FOXK2: variants seen among roughly 807,000 people sequenced by gnomAD.
The protein encoded by FOXK2 is forkhead box K2, also known as forkhead box protein K2.
FOXK2 carries 24 observed loss-of-function variants against 53.3 expected under a neutral mutation model. The observed-to-expected ratio is 0.45, with a 90% CI of 0.33 to 0.63. The LOEUF is 0.63. FOXK2 is among the 30% of genes least tolerant of loss of function. The pLI is 0.03. For synonymous variants in FOXK2, 505 were observed against 407.1 expected (o/e 1.24, Z -2.89); for missense variants, 952 against 910.5 (o/e 1.05, Z -0.59).
intron 1 of FOXK2, among the ~76,000 whole-genome samples, chr17:82,556,583 G>C (rs2044727560): frequency 6.6e-6 from 1 of 151,826 alleles, no homozygotes; most frequent in Admixed American, 6.6e-5. Flanking sequence ...TGGGGCTGGG[G>C]CTGGGGCTGG....
At chr17:82,584,266 C>T (rs2045104824) in intron 6 of FOXK2, 78 bp downstream of exon 6, 2 of 1,421,466 alleles carry the variant, frequency 1.4e-6, no homozygotes, top group Non-Finnish European at 1.9e-6. Flanking sequence ...AGAGAAGAAA[C>T]AGCCGGACTG....
chr17:82,536,784 T>A (rs766312666), intron 1 of FOXK2, among the ~76,000 whole-genome samples: 47 of 152,240 alleles, frequency 3.1e-4, no homozygotes, highest in Non-Finnish European at 5.0e-4. Flanking sequence ...ATGTCCTGAT[T>A]TCCCAGAAAC....
At chr17:82,568,335 G>C (rs1439772358) in intron 3 of FOXK2, 134 bp downstream of exon 3, 11 of 1,064,062 alleles carry the variant, frequency 1.0e-5, no homozygotes, top group African/African-American at 1.6e-5. Context: ...ATGTGGGCTT[G>C]ATTCTGGTGT....
At chr17:82,542,074 T>G (rs573924373) in intron 1 of FOXK2, among the ~76,000 whole-genome samples, 1 of 151,784 alleles carries the variant, frequency 6.6e-6, no homozygotes, top group East Asian at 1.9e-4. Context: ...AGAGACAGGG[T>G]TTCGCCACGT....
At chr17:82,532,147 C>G (rs1454408053) in intron 1 of FOXK2, among the ~76,000 whole-genome samples, 2 of 148,718 alleles carry the variant, frequency 1.3e-5, no homozygotes, top group Non-Finnish European at 3.0e-5. Context: ...CTGTGCCCAT[C>G]TTATTTATTT....
intron 1 of FOXK2, among the ~76,000 whole-genome samples, chr17:82,524,323 C>T (rs1024481142): frequency 1.3e-5 from 2 of 152,176 alleles, no homozygotes; most frequent in African/African-American, 4.8e-5. Flanking sequence ...CAAATTCCAA[C>T]TTCAAAATGA....
chr17:82,519,792 G>C lies in FOXK2; in HGVS notation c.-97G>C, dbSNP rs1184249370. On this transcript the variant is annotated 5_prime_UTR_variant, in exon 1 of 9. Transcript: ENST00000335255. ...GGCCTCCGCTCGGCCCCCTCCCTCA[G>C]CTCCGGTGCGCGGCGGCCGACGACC... 2.7e-6 allele frequency: 1 copy of C among 370,924 alleles called. No individual in the cohort carries two copies. Among genetic ancestry groups the C allele is most frequent in the South Asian group, 1.1e-4 (1 of 9,128 alleles). 23.0% of individuals were successfully genotyped at this position (370,924 alleles called of 1,614,324 possible).
chr17:82,520,444 C>T (rs2044349447), intron 1 of FOXK2, 137 bp downstream of exon 1: 2 of 746,608 alleles, frequency 2.7e-6, no homozygotes, highest in Non-Finnish European at 3.6e-6. Context: ...ACCAGCGGGA[C>T]CCAGGCCCCG....
chr17:82,536,809 G>A (rs1369896647), intron 1 of FOXK2, among the ~76,000 whole-genome samples: 2 of 152,204 alleles, frequency 1.3e-5, no homozygotes, highest in African/African-American at 4.8e-5. Flanking sequence ...CCAGGTTTTC[G>A]CCTTAGGCAG....
chr17:82,580,277 C>CA (rs1476151561), intron 4 of FOXK2, among the ~76,000 whole-genome samples: 3 of 136,652 alleles, frequency 2.2e-5, no homozygotes, highest in African/African-American at 8.5e-5. Flanking sequence ...ATCCTTCCCA[C>CA]ACATGGCCCA....
chr17:82,591,234 G>A (rs1361846122), intron 8 of FOXK2, among the ~76,000 whole-genome samples: 4 of 152,216 alleles, frequency 2.6e-5, no homozygotes, highest in African/African-American at 7.2e-5. Context: ...TGGGGTTGTC[G>A]CTCCAGCTGG....
At position 82,584,124 on chromosome 17, in the gene FOXK2, G is replaced by A; in HGVS notation, c.1215G>A (p.Glu405=). ...REGSPAPLEP[E]PGAAQPKLAV... ...GTTCGCCGGCCCCCCTGGAGCCTGA[G>A]CCTGGCGCTGCACAGCCCAAACTCG... Residue 405 remains glutamate, a synonymous_variant, in exon 6 of 9, where the codon GAG becomes GAA. Coordinates refer to ENST00000335255, the MANE Select transcript of FOXK2 (RefSeq NM_004514.4). The A allele has an allele frequency of 6.2e-7, 1 of 1,611,030 alleles. No homozygotes were observed. Among genetic ancestry groups the A allele is most frequent in the South Asian group, 1.1e-5 (1 of 91,010 alleles).
intron 4 of FOXK2, among the ~76,000 whole-genome samples, chr17:82,572,331 G>C (rs1428364547): frequency 3.9e-5 from 6 of 152,190 alleles, no homozygotes; most frequent in Non-Finnish European, 8.8e-5. Flanking sequence ...GGAACACTTA[G>C]AAGACATCTT....
At chr17:82,537,619 CAAAAAAAA>C (rs963026198) in intron 1 of FOXK2, among the ~76,000 whole-genome samples, 1 of 53,030 alleles carries the variant, frequency 1.9e-5, no homozygotes, top group Non-Finnish European at 3.4e-5. Flanking sequence ...GACTCCATCT[CAAAAAAAA>C]AAAAAAAAAA....
At chr17:82,563,725 G>T (rs1407642389) in intron 2 of FOXK2, among the ~76,000 whole-genome samples, 177 bp downstream of exon 2, 1 of 150,356 alleles carries the variant, frequency 6.7e-6, no homozygotes, top group East Asian at 2.0e-4. Context: ...GTTCCCAAAG[G>T]TTCCTGGTTT....
rs1177182848 is a variant in FOXK2 at position 82,601,742 on chromosome 17, T to G, written c.*243T>G. The G allele has an allele frequency of 1.6e-5, 7 of 434,358 alleles. No individual in the cohort carries two copies. Among genetic ancestry groups the G allele is most frequent in the African/African-American group, 3.9e-5 (2 of 51,158 alleles). The allele number at this position is 434,358 out of a possible 1,614,324, so 26.9% of individuals were successfully genotyped here. ...CACTGAGCACCTGCTGGGCTGAGCTTCTACCTACGAGTGAAACTCTGTCCT... is the reference window on the plus strand; with the variant it reads ...CACTGAGCACCTGCTGGGCTGAGCTGCTACCTACGAGTGAAACTCTGTCCT... On this transcript the variant is annotated 3_prime_UTR_variant, in exon 9 of 9. Transcript: ENST00000335255.
chr17:82,556,847 C>T (rs1371229471), intron 1 of FOXK2, among the ~76,000 whole-genome samples: 2 of 151,832 alleles, frequency 1.3e-5, no homozygotes, highest in Non-Finnish European at 2.9e-5. Flanking sequence ...GGATTACAGG[C>T]ACGTGTCACC....
chr17:82,601,151 G>A (rs575219031), intron 8 of FOXK2, 152 bp from the exon 9 acceptor site: 20 of 819,242 alleles, frequency 2.4e-5, no homozygotes, highest in South Asian at 7.7e-5. Flanking sequence ...GGGAGCCTCC[G>A]CGGGCCTGGG....
At chr17:82,593,070 GAA>G (rs1312308638) in intron 8 of FOXK2, among the ~76,000 whole-genome samples, 1 of 140,768 alleles carries the variant, frequency 7.1e-6, no homozygotes, top group East Asian at 2.0e-4. Flanking sequence ...CTCTTATTCT[GAA>G]AGACCCAGTG....
Sources: allele counts gnomAD v4.1 joint callset (sites outside exome capture counted in the v4.1 genomes callset), GRCh38; gene constraint gnomAD v4.1.1; transcripts MANE v1.5; gene names NCBI Gene and HGNC (gene_info 2026-07-23, HGNC 2026-07-21).